The following MAP3K15 variants were observed in gnomAD, a reference collection of about 807,000 sequenced individuals.
MAP3K15 encodes the protein mitogen-activated protein kinase kinase kinase 15, also known as MAPK/ERK kinase kinase 15.
In MAP3K15, 124 loss-of-function variants were observed where a neutral mutation model predicts 99.5. The observed-to-expected ratio is 1.25, with a 90% CI of 1.08 to 1.45. MAP3K15 has a LOEUF of 1.45. MAP3K15 is among the 40% of genes most tolerant of loss of function. The probability of loss-of-function intolerance (pLI) is 0.00; values close to 1 mark genes in which losing one functional copy is unlikely to be tolerated. For missense variants in MAP3K15, 1,242 were observed against 1,079.7 expected, an observed-to-expected ratio of 1.15 and a Z score of -2.11; for synonymous variants, 494 against 439.6, an observed-to-expected ratio of 1.12 and a Z score of -1.55.
chrX:19,513,242 C>A (rs1419339660), intron 1 of MAP3K15, among the ~76,000 whole-genome samples: 2 of 111,184 alleles, frequency 1.8e-5, no homozygotes, highest in Admixed American at 1.9e-4. Context: ...AAGGGCCCCC[C>A]GTACACACAC....
chrX:19,435,002 T>C (rs1240657220), intron 6 of MAP3K15, among the ~76,000 whole-genome samples: 2 of 112,435 alleles, frequency 1.8e-5, no homozygotes, highest in African/African-American at 6.5e-5. Context: ...ACTGGATCTC[T>C]TGTTGCACAG....
At chrX:19,411,401 G>A (rs193028603) in intron 11 of MAP3K15, among the ~76,000 whole-genome samples, 23 of 112,262 alleles carry the variant, frequency 2.0e-4, no homozygotes, top group African/African-American at 7.1e-4. Context: ...TTAGTCATAC[G>A]TGTTGATCAA....
At chrX:19,448,763 A>G (rs1337260578) in intron 6 of MAP3K15, among the ~76,000 whole-genome samples, 3 of 109,816 alleles carry the variant, frequency 2.7e-5, no homozygotes, top group East Asian at 5.6e-4. Flanking sequence ...TTTTCAGTTC[A>G]GACTATCATT....
intron 9 of MAP3K15, among the ~76,000 whole-genome samples, chrX:19,419,784 T>G (rs2063767503): frequency 8.9e-6 from 1 of 111,896 alleles, no homozygotes; most frequent in Non-Finnish European, 1.9e-5. Context: ...ACCACATAGT[T>G]GGAAGTAAAG....
intron 10 of MAP3K15, among the ~76,000 whole-genome samples, chrX:19,413,959 G>A (rs1358181060): frequency 1.8e-5 from 2 of 109,464 alleles, no homozygotes; most frequent in African/African-American, 3.3e-5. Context: ...TCAGGAGTTC[G>A]AGACCAGCCT....
chrX:19,411,413 C>T (rs1363915453), intron 11 of MAP3K15, among the ~76,000 whole-genome samples: 1 of 112,276 alleles, frequency 8.9e-6, no homozygotes, highest in Non-Finnish European at 1.9e-5. Context: ...GTTGATCAAG[C>T]ACCTACTATG....
intron 7 of MAP3K15, among the ~76,000 whole-genome samples, chrX:19,427,181 T>C (rs2063839612): frequency 9.2e-6 from 1 of 108,166 alleles, no homozygotes; most frequent in African/African-American, 3.4e-5. Context: ...AGGGTCTCAC[T>C]CTGTCACCCA....
chrX:19,426,305 G>A lies in MAP3K15; in HGVS notation c.1205C>T (p.Ser402Leu), dbSNP rs765433654. Residue 402 changes from serine to leucine, a missense_variant, in exon 8 of 29, where the codon TCG becomes TTG. Ser to Leu is a moderately radical substitution (Grantham distance 145). Coordinates refer to ENST00000338883, the MANE Select transcript of MAP3K15 (RefSeq NM_001001671.4). ...KGFELQSSLYSGINLAVLLIV... is the reference protein window; with the variant it reads ...KGFELQSSLYLGINLAVLLIV... ...CAGCAAAACTGCAAGATTAATTCCC[G>A]AATAGAGGGATGACTGGAGTTCAAA... The A allele has an allele frequency of 1.4e-5, 16 of 1,161,040 alleles. No individual in the cohort carries two copies. The highest frequency in any genetic ancestry group is 1.8e-5 in the African/African-American group (1 of 56,017).
At chrX:19,465,866 A>G (rs866026097) in intron 3 of MAP3K15, among the ~76,000 whole-genome samples, 1 of 73,095 alleles carries the variant, frequency 1.4e-5, no homozygotes, top group Admixed American at 1.4e-4. Context: ...TGTGTGTGTG[A>G]TAAGTGGGGT....
In MAP3K15 at chrX:19,395,302, T is replaced by C; in HGVS notation, c.2067-94A>G. On this transcript the variant is annotated intron_variant, in intron 15 of 28. Coordinates refer to ENST00000338883, the MANE Select transcript of MAP3K15 (RefSeq NM_001001671.4). The stretch of plus-strand genomic sequence containing the variant: ...CCAGGACCTGCCCCACTGCTGCCCA[T>C]CCCTTCTTTCTGGAAACTTTCTTTT... 5.6e-6 allele frequency: 5 copies of C among 891,714 alleles called. No homozygotes were observed. In the South Asian group the frequency reaches 1.2e-4, roughly 21 times the overall value. The allele number at this position is 891,714 out of a possible 1,213,427, so 73.5% of individuals were successfully genotyped here.
At chrX:19,387,284 A>G (rs936114774) in intron 18 of MAP3K15, among the ~76,000 whole-genome samples, 2 of 111,525 alleles carry the variant, frequency 1.8e-5, no homozygotes, top group East Asian at 5.7e-4. Flanking sequence ...ATACTGCCAC[A>G]CCCTCTCAAC....
At chrX:19,445,179 C>T (rs1276764054) in intron 6 of MAP3K15, among the ~76,000 whole-genome samples, 3 of 111,165 alleles carry the variant, frequency 2.7e-5, no homozygotes, top group Admixed American at 9.7e-5. Context: ...CCTTCTGAAA[C>T]TTCCTAGGCT....
chrX:19,446,827 G>C (rs1380184075), intron 6 of MAP3K15, among the ~76,000 whole-genome samples: 1 of 111,246 alleles, frequency 9.0e-6, no homozygotes, highest in Non-Finnish European at 1.9e-5. Flanking sequence ...ACTGGAACTG[G>C]TACCCAGCCT....
In MAP3K15 at chrX:19,460,000, G is replaced by A. The variant is rs1488042242; in HGVS notation, c.873C>T (p.Ser291=). The A allele has an allele frequency of 1.7e-6, 2 of 1,164,889 alleles. No homozygotes were observed. Among genetic ancestry groups the A allele is most frequent in the Non-Finnish European group, 2.3e-6 (2 of 876,964 alleles). The stretch of plus-strand genomic sequence containing the variant: ...GATTTCATACCTGGATATCACGGTA[G>A]GACAGGAGTAAGTTAATGATGATGT... The part of the protein sequence containing the change: ...TSDIIINLLL[S]YRDIQDYDAM... Residue 291 remains serine (S), a synonymous_variant, in exon 5 of 29, where the codon TCC becomes TCT. Transcript: ENST00000338883.
At chrX:19,384,659 C>T (rs2063481668) in intron 18 of MAP3K15, among the ~76,000 whole-genome samples, 1 of 102,757 alleles carries the variant, frequency 9.7e-6, no homozygotes, top group Non-Finnish European at 2.0e-5. Context: ...GGGAGGATCA[C>T]CTGAGCCCAT....
chrX:19,365,645 T>C (rs186539757), intron 25 of MAP3K15, among the ~76,000 whole-genome samples: 2,147 of 112,360 alleles, frequency 0.019, 61 homozygotes, highest in African/African-American at 0.066. Context: ...CTTAACTGTG[T>C]GTTCCTTTAA....
chrX:19,515,042 C>G lies in MAP3K15; in HGVS notation c.220G>C (p.Gly74Arg). The G allele has an allele frequency of 9.7e-7, 1 of 1,030,042 alleles. No individual in the cohort carries two copies. The highest frequency in any genetic ancestry group is 1.3e-6 in the Non-Finnish European group (1 of 791,778). 84.9% of individuals were successfully genotyped at this position (1,030,042 alleles called of 1,213,427 possible). The change falls in exon 1 of 29, where the codon GGC (glycine) becomes CGC (arginine). Residue 74 changes from glycine (G) to arginine (R), a missense_variant. Coordinates refer to ENST00000338883, the MANE Select transcript of MAP3K15 (RefSeq NM_001001671.4). ...VYVRSESSQG[G>R]AAGGPEAGAR... ...CCAGCCTCCGGGCCGCCGGCCGCGC[C>G]GCCCTGGGAGCTCTCACTGCGCACG...
chrX:19,508,344 A>T (rs1334615003), intron 1 of MAP3K15, among the ~76,000 whole-genome samples: 1 of 101,113 alleles, frequency 9.9e-6, no homozygotes, highest in Non-Finnish European at 2.0e-5. Flanking sequence ...GCTAATTTTT[A>T]TATTTTTAGT....
At chrX:19,490,932 T>C (rs773830621) in intron 1 of MAP3K15, among the ~76,000 whole-genome samples, 9 of 111,317 alleles carry the variant, frequency 8.1e-5, no homozygotes, top group African/African-American at 2.3e-4. Flanking sequence ...CCAAGTTTGA[T>C]GGGAGCTTCC....
Sources: allele counts gnomAD v4.1 joint callset (sites outside exome capture counted in the v4.1 genomes callset), GRCh38; gene constraint gnomAD v4.1.1; transcripts MANE v1.5; gene names NCBI Gene and HGNC (gene_info 2026-07-23, HGNC 2026-07-21).